ADAMTSL1: variants seen among roughly 807,000 people sequenced by gnomAD.
The protein encoded by ADAMTSL1 is ADAMTS-like protein 1.
ADAMTSL1 carries 126 observed loss-of-function variants against 201.8 expected under a neutral mutation model. The ratio of observed to expected loss-of-function variants is 0.62; its 90% CI spans 0.54 to 0.72. The LOEUF is 0.72. ADAMTSL1 is among the 30% of genes least tolerant of loss of function. The pLI is 0.00. For synonymous variants in ADAMTSL1, 1,121 were observed against 903.4 expected (o/e 1.24, Z -4.32); for missense variants, 2,679 against 2,277.8 (o/e 1.18, Z -3.59).
At chr9:18,539,430 T>A (rs573370045) in intron 3 of ADAMTSL1, among the ~76,000 whole-genome samples, 1 of 152,232 alleles carries the variant, frequency 6.6e-6, no homozygotes, top group Admixed American at 6.5e-5. Context: ...CGCTGCATAC[T>A]CAGGGTCTGG....
chr9:18,245,701 CT>C (rs562482883), intron 2 of ADAMTSL1, among the ~76,000 whole-genome samples: 332 of 143,220 alleles, frequency 2.3e-3, no homozygotes, highest in South Asian at 4.0e-3. Context: ...ACAGTCCCTC[CT>C]TTTTTTTTTT....
intron 1 of ADAMTSL1, among the ~76,000 whole-genome samples, chr9:17,998,081 G>A (rs912770843): frequency 5.3e-5 from 8 of 151,954 alleles, no homozygotes; most frequent in Admixed American, 3.9e-4. Context: ...GACTACTTAG[G>A]CATCTCACAT....
chr9:18,666,476 CA>C (rs1325337627), intron 9 of ADAMTSL1, among the ~76,000 whole-genome samples: 12 of 152,172 alleles, frequency 7.9e-5, no homozygotes, highest in Non-Finnish European at 4.4e-5. Context: ...AGTCCAGAGA[CA>C]CACCCTCCTG....
chr9:18,777,534 C>A lies in ADAMTSL1; in HGVS notation c.3305C>A (p.Ala1102Asp). 6.2e-7 allele frequency: 1 copy of A among 1,601,848 alleles called. No homozygotes were observed. Among genetic ancestry groups the A allele is most frequent in the East Asian group, 2.3e-5 (1 of 44,170 alleles). The change falls in exon 19 of 29, where the codon GCC becomes GAC. Residue 1102 changes from alanine to aspartate, a missense_variant. By Grantham distance (126) the Ala-to-Asp change is moderately radical (BLOSUM62 -2). Transcript: ENST00000380548. ...LRDLYSKHLVAQLAQEIFRSH... is the reference protein window; with the variant it reads ...LRDLYSKHLVDQLAQEIFRSH... ...GACCTCTACAGCAAGCACCTGGTGG[C>A]CCAGCTGGCCCAGGAGATCTTCCGC...
At chr9:18,697,876 T>C (rs896890059) in intron 13 of ADAMTSL1, among the ~76,000 whole-genome samples, 6 of 152,108 alleles carry the variant, frequency 3.9e-5, no homozygotes, top group African/African-American at 1.2e-4. Flanking sequence ...AAGTTGGAGA[T>C]TGAAGCTGCC....
At chr9:18,527,653 G>A (rs965005718) in intron 2 of ADAMTSL1, among the ~76,000 whole-genome samples, 2 of 152,104 alleles carry the variant, frequency 1.3e-5, no homozygotes, top group African/African-American at 2.4e-5. Context: ...AGTTTAGATG[G>A]TGTATTATGC....
chr9:18,573,725 T>G (rs1822499922), intron 3 of ADAMTSL1, among the ~76,000 whole-genome samples: 1 of 152,232 alleles, frequency 6.6e-6, no homozygotes, highest in African/African-American at 2.4e-5. Context: ...GAAGAATTCA[T>G]GAACCAATAG....
chr9:18,016,981 A>C (rs1043194666), intron 1 of ADAMTSL1, among the ~76,000 whole-genome samples: 1 of 152,036 alleles, frequency 6.6e-6, no homozygotes. Context: ...GATACCTAGC[A>C]TATGTACCCT....
chr9:18,428,633 A>G lies in ADAMTSL1; in HGVS notation c.208-76196A>G, dbSNP rs551153084. On this transcript the variant is annotated intron_variant, in intron 2 of 29. Transcript: ENST00000680146. ...AAAAAGAAAAAAACAAAAAACAAGA[A>G]AAACACAATTGGAACATATCAAACA... Among the ~76,000 whole-genome samples the G allele has an allele frequency of 5.1e-4, 78 of 152,244 alleles. 1 individual carries two copies. The South Asian group carries it at 8.5e-3, about 17-fold the overall frequency.
intron 2 of ADAMTSL1, among the ~76,000 whole-genome samples, chr9:18,445,036 G>A (rs1820135415): frequency 6.6e-6 from 1 of 152,048 alleles, no homozygotes; most frequent in Non-Finnish European, 1.5e-5. Context: ...ATAGATTCAG[G>A]ATTCAAACCC....
chr9:18,416,383 T>TA (rs141593014), intron 2 of ADAMTSL1, among the ~76,000 whole-genome samples: 11,601 of 151,752 alleles, frequency 0.076, 485 homozygotes, highest in Middle Eastern at 0.13. Flanking sequence ...AATGGAATTA[T>TA]AAAAAAATTG....
chr9:18,285,349 C>A (rs1832952503), intron 2 of ADAMTSL1, among the ~76,000 whole-genome samples: 1 of 151,968 alleles, frequency 6.6e-6, no homozygotes, highest in Non-Finnish European at 1.5e-5. Flanking sequence ...GAAATACATA[C>A]CCCATTGTAC....
At chr9:18,002,563 T>C (rs1035403411) in intron 1 of ADAMTSL1, among the ~76,000 whole-genome samples, 1 of 152,056 alleles carries the variant, frequency 6.6e-6, no homozygotes, top group African/African-American at 2.4e-5. Context: ...ATATACATGA[T>C]CTCATGTTTA....
chr9:18,254,397 C>T (rs1328637587), intron 2 of ADAMTSL1, among the ~76,000 whole-genome samples: 2 of 110,110 alleles, frequency 1.8e-5, no homozygotes, highest in African/African-American at 6.7e-5. Context: ...GAATCTCGCT[C>T]TGTCCCCCAG....
At chr9:18,830,916 A>G (rs1456735005) in intron 23 of ADAMTSL1, among the ~76,000 whole-genome samples, 1 of 152,192 alleles carries the variant, frequency 6.6e-6, no homozygotes, top group Non-Finnish European at 1.5e-5. Context: ...GTTGACAATA[A>G]CAGCTAGAAT....
chr9:18,684,830 A>G lies in ADAMTSL1; in HGVS notation c.1574+30A>G, dbSNP rs777035435. The G allele has an allele frequency of 1.2e-5, 19 of 1,584,710 alleles. No individual in the cohort carries two copies. In the East Asian group the frequency reaches 2.9e-4, roughly 25 times the overall value. ...GTTGTAAAAGCACAGACTGTTCTAT[A>G]TTTGAAACTGTTTTGTTTAAAGAAA... On this transcript the variant is annotated intron_variant, in intron 13 of 28. Coordinates refer to ENST00000380548, the MANE Select transcript of ADAMTSL1 (RefSeq NM_001040272.6).
At position 18,745,070 on chromosome 9, in the gene ADAMTSL1, T is replaced by A. The variant is rs185133153; in HGVS notation, c.2007-8228T>A. On this transcript the variant is annotated intron_variant, in intron 15 of 28. Transcript: ENST00000380548. ...CAGCCAGGTGTTTCCACTGTAAAAT[T>A]AATAAATATGTAGCACTTAATAAGT... 5.3e-5 allele frequency among the ~76,000 whole-genome samples: 8 copies of A among 152,280 alleles called. No individual in the cohort carries two copies. The East Asian group carries it at 9.6e-4, about 18-fold the overall frequency.
intron 10 of ADAMTSL1, 26 bp from the exon 11 acceptor site, chr9:18,680,286 C>G: frequency 1.9e-6 from 3 of 1,609,646 alleles, no homozygotes; most frequent in Non-Finnish European, 2.5e-6. Flanking sequence ...GCATGTCTGC[C>G]CTGATGACTC....
At chr9:18,573,905 C>A in intron 3 of ADAMTSL1, 125 bp from the exon 4 acceptor site, 1 of 698,868 alleles carries the variant, frequency 1.4e-6, no homozygotes, top group Non-Finnish European at 2.4e-6. Flanking sequence ...TTATAAGTTC[C>A]ATCTATCATG....
Sources: allele counts gnomAD v4.1 joint callset (sites outside exome capture counted in the v4.1 genomes callset), GRCh38; gene constraint gnomAD v4.1.1; transcripts MANE v1.5; gene names NCBI Gene and HGNC (gene_info 2026-07-23, HGNC 2026-07-21).